Variants in MDGA2 observed in about 807,000 individuals in gnomAD.
MDGA2 encodes MAM domain containing glycosylphosphatidylinositol anchor 2, also known as MAM domain-containing glycosylphosphatidylinositol anchor protein 2.
In MDGA2, 40 loss-of-function variants were observed where a neutral mutation model predicts 117.8. The observed-to-expected ratio is 0.34, with a 90% CI of 0.26 to 0.44. The LOEUF is 0.44. Among genes scored for constraint, MDGA2 ranks in the 20% least tolerant of loss-of-function variants. MDGA2 has a pLI of 1.00. For missense variants in MDGA2, 1,123 were observed against 1,250.6 expected, an observed-to-expected ratio of 0.90 and a Z score of 1.54; for synonymous variants, 452 against 439.0, an observed-to-expected ratio of 1.03 and a Z score of -0.37.
chr14:47,491,671 T>C (rs1435085128), intron 1 of MDGA2, among the ~76,000 whole-genome samples: 1 of 152,130 alleles, frequency 6.6e-6, no homozygotes, highest in African/African-American at 2.4e-5. Flanking sequence ...CAGCCATGAT[T>C]AAGAAATAAT....
At chr14:46,861,996 G>T (rs1881528494) in intron 14 of MDGA2, among the ~76,000 whole-genome samples, 1 of 151,962 alleles carries the variant, frequency 6.6e-6, no homozygotes. Flanking sequence ...AAACTCTGAA[G>T]TGAATATGAT....
At chr14:46,928,354 T>G (rs1884410626) in intron 9 of MDGA2, among the ~76,000 whole-genome samples, 2 of 152,168 alleles carry the variant, frequency 1.3e-5, no homozygotes. Context: ...GAACAAGCTT[T>G]ATGGAATTTA....
At chr14:46,943,301 A>G (rs1433214732) in intron 9 of MDGA2, among the ~76,000 whole-genome samples, 1 of 151,958 alleles carries the variant, frequency 6.6e-6, no homozygotes, top group East Asian at 1.9e-4. Context: ...TTGGTAGAAA[A>G]CAGTGTGTAT....
intron 1 of MDGA2, among the ~76,000 whole-genome samples, chr14:47,386,014 C>T (rs1265786687): frequency 3.9e-5 from 6 of 152,130 alleles, no homozygotes; most frequent in Non-Finnish European, 7.4e-5. Context: ...GGCGCGGTGG[C>T]TCACATCTGT....
intron 9 of MDGA2, among the ~76,000 whole-genome samples, chr14:46,930,307 G>C (rs1224344514): frequency 6.6e-6 from 1 of 151,806 alleles, no homozygotes; most frequent in African/African-American, 2.4e-5. Flanking sequence ...AATTTCTCTA[G>C]AACAAATTAA....
intron 6 of MDGA2, among the ~76,000 whole-genome samples, chr14:47,070,823 G>A (rs948450547): frequency 1.3e-5 from 2 of 152,154 alleles, no homozygotes; most frequent in African/African-American, 4.8e-5. Flanking sequence ...GGCCAGGCTG[G>A]TCTCAAACTC....
intron 9 of MDGA2, among the ~76,000 whole-genome samples, chr14:46,927,361 A>AAC (rs1884371671): frequency 6.6e-6 from 1 of 152,188 alleles, no homozygotes. Context: ...CATTGGCTTG[A>AAC]AAGATACTAA....
intron 1 of MDGA2, among the ~76,000 whole-genome samples, chr14:47,589,824 G>A (rs967395738): frequency 2.0e-5 from 3 of 151,838 alleles, no homozygotes; most frequent in African/African-American, 7.2e-5. Flanking sequence ...ATGTATTTAG[G>A]TATTCTTTAA....
chr14:47,411,899 A>AT, intron 1 of MDGA2, among the ~76,000 whole-genome samples: 1 of 152,306 alleles, frequency 6.6e-6, no homozygotes, highest in South Asian at 2.1e-4. Context: ...TATGTGCCAG[A>AT]TACTCTTGCA....
chr14:46,930,210 G>A (rs929947028), intron 9 of MDGA2, among the ~76,000 whole-genome samples: 1 of 151,938 alleles, frequency 6.6e-6, no homozygotes, highest in African/African-American at 2.4e-5. Context: ...GTTTAATAAA[G>A]TTTAACAGAA....
At chr14:47,020,625 A>C (rs952178462) in intron 8 of MDGA2, among the ~76,000 whole-genome samples, 3 of 152,206 alleles carry the variant, frequency 2.0e-5, no homozygotes, top group African/African-American at 7.2e-5. Context: ...AAGAATATTC[A>C]AAAGCAGCCT....
rs34567649 is a variant in MDGA2 at position 46,841,627 on chromosome 14, A to ATTTTTTTTTTTTTTTTTTTTTT, written c.*303_*304insAAAAAAAAAAAAAAAAAAAAAA. 7.7e-6 allele frequency: 1 copy of ATTTTTTTTTTTTTTTTTTTTTT among 130,050 alleles called. No individual in the cohort carries two copies. The allele number at this position is 130,050 out of a possible 1,614,324, so 8.1% of individuals were successfully genotyped here. A position where few individuals can be genotyped will look rare whatever the true frequency, so the allele number is the denominator to read the frequency against. ...TAGCTCTTTTTTTTTTCTTTTTTTC[A>ATTTTTTTTTTTTTTTTTTTTTT]TTTTTTTTTTTTTTTCCAGAGTTCA... On this transcript the variant is annotated 3_prime_UTR_variant, in exon 17 of 17. Coordinates refer to ENST00000399232, the MANE Select transcript of MDGA2 (RefSeq NM_001113498.3).
intron 1 of MDGA2, among the ~76,000 whole-genome samples, chr14:47,345,780 G>T (rs1890750213): frequency 6.6e-6 from 1 of 152,086 alleles, no homozygotes; most frequent in Non-Finnish European, 1.5e-5. Context: ...TGTAGCATGT[G>T]TTTACTGTTT....
intron 1 of MDGA2, among the ~76,000 whole-genome samples, chr14:47,412,309 C>T (rs1892390529): frequency 6.6e-6 from 1 of 152,016 alleles, no homozygotes; most frequent in Admixed American, 6.6e-5. Context: ...GAGATAGGGT[C>T]TCGTTCAGCC....
chr14:47,200,106 T>C (rs1358969372), intron 3 of MDGA2, among the ~76,000 whole-genome samples: 1 of 151,980 alleles, frequency 6.6e-6, no homozygotes, highest in Non-Finnish European at 1.5e-5. Context: ...TTATATATAT[T>C]TATATATTTA....
intron 2 of MDGA2, among the ~76,000 whole-genome samples, chr14:47,222,244 A>G (rs950172873): frequency 3.1e-4 from 47 of 152,210 alleles, no homozygotes; most frequent in African/African-American, 1.1e-3. Flanking sequence ...ATAAAGTTGT[A>G]ATGGAATTAT....
intron 6 of MDGA2, among the ~76,000 whole-genome samples, chr14:47,083,863 A>G (rs1890796350): frequency 6.6e-6 from 1 of 152,082 alleles, no homozygotes; most frequent in African/African-American, 2.4e-5. Flanking sequence ...CAACCACTAA[A>G]AAGTCACAGC....
intron 3 of MDGA2, among the ~76,000 whole-genome samples, chr14:47,217,749 C>G (rs1886148356): frequency 4.6e-5 from 7 of 151,716 alleles, no homozygotes; most frequent in Admixed American, 4.6e-4. Flanking sequence ...CATTAAAACC[C>G]TAGTTATTAG....
At chr14:47,007,895 A>G (rs1260149179) in intron 8 of MDGA2, among the ~76,000 whole-genome samples, 2 of 151,896 alleles carry the variant, frequency 1.3e-5, no homozygotes, top group Non-Finnish European at 2.9e-5. Flanking sequence ...TAAAATACTC[A>G]AGTATATTCA....
Sources: allele counts gnomAD v4.1 joint callset (sites outside exome capture counted in the v4.1 genomes callset), GRCh38; gene constraint gnomAD v4.1.1; transcripts MANE v1.5; gene names NCBI Gene and HGNC (gene_info 2026-07-23, HGNC 2026-07-21).